The following PLA2G4D variants were observed in gnomAD, a reference collection of about 807,000 sequenced individuals.
PLA2G4D encodes the protein cytosolic phospholipase A2 delta.
Under a neutral mutation model 94.4 loss-of-function variants are expected in PLA2G4D, and 80 were observed. The observed-to-expected ratio is 0.85, with a 90% confidence interval of 0.71 to 1.02. The LOEUF (loss-of-function observed/expected upper bound fraction) is 1.02. Ranked by LOEUF, PLA2G4D falls within the 50% of genes least tolerant of loss-of-function variation. PLA2G4D has a pLI of 0.00. For synonymous variants in PLA2G4D, 438 were observed against 440.9 expected, an observed-to-expected ratio of 0.99 and a Z score of 0.08; for missense variants, 1,050 against 1,034.7, an observed-to-expected ratio of 1.01 and a Z score of -0.20.
chr15:42,080,405 A>C (rs1890015055), intron 12 of PLA2G4D, among the ~76,000 whole-genome samples: 1 of 152,226 alleles, frequency 6.6e-6, no homozygotes, highest in Admixed American at 6.5e-5. Context: ...GCACCTCGTC[A>C]TGCTGCGGGG....
At chr15:42,075,157 G>T (rs1420082267) in intron 13 of PLA2G4D, among the ~76,000 whole-genome samples, 1 of 152,120 alleles carries the variant, frequency 6.6e-6, no homozygotes, top group Non-Finnish European at 1.5e-5. Flanking sequence ...GAATATATAG[G>T]TGTCTAATAA....
chr15:42,086,132 C>A, intron 4 of PLA2G4D, 81 bp downstream of exon 4: 3 of 1,439,534 alleles, frequency 2.1e-6, no homozygotes, highest in Non-Finnish European at 9.4e-7. Context: ...AGCCTCCCAA[C>A]AGGTGGGAGA....
Position 42,085,475 on chromosome 15 carries a change from G to A in PLA2G4D, c.428+16C>T. ...TGAGTCCTGAGACACTCCCTGGGCT[G>A]TGTGACATTACTCACGTTTCTTCCA... On this transcript the variant is annotated intron_variant, in intron 5 of 19. Coordinates refer to ENST00000290472, the MANE Select transcript of PLA2G4D (RefSeq NM_178034.4). The A allele has an allele frequency of 1.2e-6, 2 of 1,613,838 alleles. No individual in the cohort carries two copies. Among genetic ancestry groups the A allele is most frequent in the Non-Finnish European group, 1.7e-6 (2 of 1,179,846 alleles).
intron 13 of PLA2G4D, 80 bp from the exon 14 acceptor site, chr15:42,072,472 TGGGGGACCTGGCTG>T: frequency 1.8e-6 from 2 of 1,138,530 alleles, no homozygotes; most frequent in Non-Finnish European, 2.6e-6. Flanking sequence ...AGGGGCAGGA[TGGGGGACCTGGCTG>T]GGGGTGAGGA....
rs767800729 is a variant in PLA2G4D at position 42,070,720 on chromosome 15, G to A, written c.2040C>T (p.Phe680=). The stretch of plus-strand genomic sequence containing the variant: ...TCCCCTGGGGTGACCAGGGTACCTC[G>A]AAGGGCGCAGATAGGGAGTAGTCGA... ...LSFDYSLSAP[F]EALQQTELYC... Residue 680 remains phenylalanine, a synonymous_variant, in exon 18 of 20, where the codon TTC becomes TTT. Coordinates refer to ENST00000290472, the MANE Select transcript of PLA2G4D (RefSeq NM_178034.4). 18 of 1,554,920 alleles carry A rather than the reference G, an allele frequency of 1.2e-5. No homozygotes were observed. In the Admixed American group the frequency reaches 1.2e-4, roughly 10 times the overall value.
Position 42,070,866 on chromosome 15 carries a change from T to C in PLA2G4D, c.1894A>G (p.Met632Val), listed in dbSNP as rs1255979804. Residue 632 changes from methionine to valine, a missense_variant, in exon 18 of 20, where the codon ATG (methionine) becomes GTG (valine). Coordinates refer to ENST00000290472, the MANE Select transcript of PLA2G4D (RefSeq NM_178034.4). ...STWADYQLDS[M>V]PSQLTPKEPR... Reference sequence around the variant, plus strand: ...TCCTTGGGGGTCAGCTGGCTGGGCATGGAGTCAAGCTGGTAGTCTGGTGGG... The same window carrying C: ...TCCTTGGGGGTCAGCTGGCTGGGCACGGAGTCAAGCTGGTAGTCTGGTGGG... 4.3e-6 allele frequency: 7 copies of C among 1,611,818 alleles called. No homozygotes were observed. In the South Asian group the frequency reaches 5.5e-5, roughly 13 times the overall value.
Position 42,068,220 on chromosome 15 carries a change from C to T in PLA2G4D, c.*495G>A, listed in dbSNP as rs1440754336. ...TAAAATATTTAGGAATAAATTTAAA[C>T]AAGTACAAGACTTGGATACGGAAAG... On this transcript the variant is annotated 3_prime_UTR_variant, in exon 20 of 20. Coordinates refer to ENST00000290472, the MANE Select transcript of PLA2G4D (RefSeq NM_178034.4). The T allele has an allele frequency of 6.5e-6, 1 of 153,050 alleles. No homozygotes were observed. The highest frequency in any genetic ancestry group is 2.4e-5 in the African/African-American group (1 of 41,432). The allele number at this position is 153,050 out of a possible 1,614,324, so 9.5% of individuals were successfully genotyped here. A position where few individuals can be genotyped will look rare whatever the true frequency, so the allele number is the denominator to read the frequency against.
chr15:42,078,845 G>GA (rs1478684730), intron 13 of PLA2G4D, among the ~76,000 whole-genome samples: 1 of 152,156 alleles, frequency 6.6e-6, no homozygotes. Context: ...ACAACAGCGT[G>GA]AAAAAATAGC....
chr15:42,081,909 G>C, intron 9 of PLA2G4D, 75 bp from the exon 10 acceptor site: 1 of 1,405,840 alleles, frequency 7.1e-7, no homozygotes, highest in Non-Finnish European at 9.9e-7. Context: ...TGGGGACTTG[G>C]TCCCCTTCAT....
chr15:42,091,019 C>T (rs1890236441), intron 1 of PLA2G4D, among the ~76,000 whole-genome samples: 1 of 152,176 alleles, frequency 6.6e-6, no homozygotes, highest in African/African-American at 2.4e-5. Context: ...TCACAATTGC[C>T]CTGGCGGCCT....
Position 42,067,104 on chromosome 15 carries a change from AG to A in PLA2G4D, c.*1610del, listed in dbSNP as rs1356609301. 4.6e-5 allele frequency: 7 copies of A among 152,286 alleles called. No homozygotes were observed. The highest frequency in any genetic ancestry group is 1.7e-4 in the African/African-American group (7 of 41,478). 9.4% of individuals were successfully genotyped at this position (152,286 alleles called of 1,614,324 possible). Reference sequence around the variant, plus strand: ...GCCAAATGCAGAAGAGGCACAGGGAAGGAAGCTGAGAGAGGACATCAGATGA... The same window carrying A: ...GCCAAATGCAGAAGAGGCACAGGGAAGAAGCTGAGAGAGGACATCAGATGA... On this transcript the variant is annotated 3_prime_UTR_variant, in exon 20 of 20. Coordinates refer to ENST00000290472, the MANE Select transcript of PLA2G4D (RefSeq NM_178034.4).
chr15:42,087,315 GATA>G lies in PLA2G4D; in HGVS notation c.237_239del (p.Ile80del). 2.5e-6 allele frequency: 4 copies of G among 1,614,158 alleles called. No individual in the cohort carries two copies. On this transcript the variant is annotated inframe_deletion, in exon 3 of 20. Transcript: ENST00000290472. ...GGGCCTTCACCTTGACCTGACTTTG[GATA>G]AGGAAACGGAAGGCCTCATTCCACA... is the stretch of plus-strand genomic sequence containing the variant.
In PLA2G4D at chr15:42,084,486, C is replaced by T. The variant is rs775512827; in HGVS notation, c.471+610G>A. ...GGCTCTAGGTGCCTTCGCCCGTGAC[C>T]CTGGACCCGCCTGCTCCCAGGTCTG... On this transcript the variant is annotated intron_variant, in intron 6 of 19. Transcript: ENST00000290472. The surrounding 1 kb of genome is among the most constrained non-coding windows in gnomAD (Gnocchi z 4.8). Among the ~76,000 whole-genome samples the T allele has an allele frequency of 6.6e-6, 1 of 152,188 alleles. No homozygotes were observed. The highest frequency in any genetic ancestry group is 1.5e-5 in the Non-Finnish European group (1 of 68,042).
intron 9 of PLA2G4D, 24 bp from the exon 10 acceptor site, chr15:42,081,858 G>A (rs1352450097): frequency 3.7e-6 from 6 of 1,613,612 alleles, no homozygotes; most frequent in Middle Eastern, 3.3e-4. Flanking sequence ...CAGAGACTCT[G>A]CTCAGACCCT....
At chr15:42,069,212 G>A (rs1477211645) in intron 19 of PLA2G4D, among the ~76,000 whole-genome samples, 4 of 152,136 alleles carry the variant, frequency 2.6e-5, no homozygotes, top group East Asian at 1.9e-4. Flanking sequence ...ACATCGCTTC[G>A]AGGCAAGGTG....
chr15:42,081,912 C>T, intron 9 of PLA2G4D, 78 bp from the exon 10 acceptor site: 1 of 1,448,946 alleles, frequency 6.9e-7, no homozygotes, highest in Non-Finnish European at 9.5e-7. Context: ...GGACTTGGTC[C>T]CCTTCATCTT....
At chr15:42,077,662 C>T (rs976933452) in intron 13 of PLA2G4D, among the ~76,000 whole-genome samples, 7 of 152,248 alleles carry the variant, frequency 4.6e-5, no homozygotes, top group Non-Finnish European at 1.0e-4. Flanking sequence ...TGGCACAAGG[C>T]TTCCAATCCA....
Position 42,085,551 on chromosome 15 carries a change from G to A in PLA2G4D, c.388-20C>T, listed in dbSNP as rs769706273. On this transcript the variant is annotated intron_variant, in intron 4 of 19. Transcript: ENST00000290472. ...CTCTCCCTGAAATCAGAGAGCATGA[G>A]CAAGTCATCAGCACATACCTGTGTC... 5.6e-6 allele frequency: 9 copies of A among 1,612,140 alleles called. No individual in the cohort carries two copies. In the East Asian group the frequency reaches 2.0e-4, roughly 36 times the overall value.
At position 42,086,297 on chromosome 15, in the gene PLA2G4D, A is replaced by T. The variant is rs1336650874; in HGVS notation, c.303T>A (p.Asp101Glu). ...SIYDEDSVTEDDICFKVLYDI... is the reference protein window; with the variant it reads ...SIYDEDSVTEEDICFKVLYDI... ...CATAGAGAACCTTGAAGCAGATGTCATCCTCCGTGACTGAGTCCTCATCAT... is the reference window on the plus strand; with the variant it reads ...CATAGAGAACCTTGAAGCAGATGTCTTCCTCCGTGACTGAGTCCTCATCAT... Residue 101 changes from aspartate to glutamate, a missense_variant, in exon 4 of 20, where the codon GAT becomes GAA. Coordinates refer to ENST00000290472, the MANE Select transcript of PLA2G4D (RefSeq NM_178034.4). The T allele has an allele frequency of 1.2e-6, 2 of 1,605,410 alleles. No homozygotes were observed. Among genetic ancestry groups the T allele is most frequent in the Non-Finnish European group, 1.7e-6 (2 of 1,177,106 alleles).
Sources: allele counts gnomAD v4.1 joint callset (sites outside exome capture counted in the v4.1 genomes callset), GRCh38; gene constraint gnomAD v4.1.1; non-coding constraint Gnocchi (gnomAD v3.1); transcripts MANE v1.5; gene names NCBI Gene and HGNC (gene_info 2026-07-23, HGNC 2026-07-21).